WIPF2: variants seen among roughly 807,000 people sequenced by gnomAD.
The protein encoded by WIPF2 is WAS/WASL-interacting protein family member 2.
A neutral mutation model predicts 38.8 loss-of-function variants in WIPF2; 23 were observed. That is an observed-to-expected ratio of 0.59 (90% CI 0.43 to 0.84). The LOEUF (loss-of-function observed/expected upper bound fraction) is 0.84. WIPF2 is among the 40% of genes least tolerant of loss of function. The probability of loss-of-function intolerance (pLI) is 0.00; values close to 1 mark genes in which losing one functional copy is unlikely to be tolerated. For synonymous variants in WIPF2, 210 were observed against 223.2 expected (o/e 0.94, Z 0.53); for missense variants, 574 against 580.5 (o/e 0.99, Z 0.11).
rs2031866282 is a variant in WIPF2, at chr17:40,260,600, C to T, written c.129C>T (p.Asp43=). The T allele has an allele frequency of 6.2e-7, 1 of 1,613,914 alleles. No individual in the cohort carries two copies. Among genetic ancestry groups the T allele is most frequent in the Non-Finnish European group, 8.5e-7 (1 of 1,180,010 alleles). ...GGGGTCGAGGCGCCCTCTTACAGGACATTTGCAAAGGGACCAAGCTGAAGA... is the reference window on the plus strand; with the variant it reads ...GGGGTCGAGGCGCCCTCTTACAGGATATTTGCAAAGGGACCAAGCTGAAGA... ...EQRGRGALLQ[D]ICKGTKLKKV... is the part of the protein sequence containing the mutation. Residue 43 remains aspartate, a synonymous_variant, in exon 3 of 8, where the codon GAC becomes GAT. Transcript: ENST00000323571.
chr17:40,274,570 A>G (rs1598501891), intron 6 of WIPF2, among the ~76,000 whole-genome samples: 2 of 146,878 alleles, frequency 1.4e-5, no homozygotes, highest in South Asian at 4.6e-4. Flanking sequence ...AAAAAAAAAA[A>G]AAAAAAAAAA....
chr17:40,225,331 TAA>T (rs367969388), intron 1 of WIPF2, among the ~76,000 whole-genome samples: 1 of 147,496 alleles, frequency 6.8e-6, no homozygotes. Flanking sequence ...AGAGGGCTAC[TAA>T]AAAAAAAATG....
At chr17:40,257,092 C>T (rs1336215978) in intron 2 of WIPF2, among the ~76,000 whole-genome samples, 1 of 152,058 alleles carries the variant, frequency 6.6e-6, no homozygotes, top group Non-Finnish European at 1.5e-5. Context: ...GATTCTTCTG[C>T]CTCAGCCTCC....
chr17:40,247,769 C>G (rs568279889), intron 1 of WIPF2, among the ~76,000 whole-genome samples: 3 of 152,132 alleles, frequency 2.0e-5, no homozygotes, highest in South Asian at 2.1e-4. Context: ...CAGTCCACCC[C>G]CCTTGGCCTC....
At chr17:40,251,023 C>T (rs11868036) in intron 1 of WIPF2, among the ~76,000 whole-genome samples, 1 of 149,306 alleles carries the variant, frequency 6.7e-6, no homozygotes, top group African/African-American at 2.5e-5. Context: ...ATGCTATTCT[C>T]CTGCCTCAGC....
chr17:40,282,372 C>G lies in WIPF2; in HGVS notation c.*4147C>G, dbSNP rs556441258. 8 of 152,346 alleles carry G rather than the reference C, an allele frequency of 5.3e-5. No homozygotes were observed. In the East Asian group the frequency reaches 1.5e-3, roughly 29 times the overall value. 9.4% of individuals were successfully genotyped at this position (152,346 alleles called of 1,614,324 possible). A position where few individuals can be genotyped will look rare whatever the true frequency, so the allele number is the denominator to read the frequency against. On this transcript the variant is annotated 3_prime_UTR_variant, in exon 8 of 8. Transcript: ENST00000323571. ...GGGGCCTAGCCTTCTTTTCACATGT[C>G]TAATCTTTTCCTTTCTCATGGTGCC...
chr17:40,264,931 C>T lies in WIPF2; in HGVS notation c.755C>T (p.Pro252Leu), dbSNP rs1598494114. The T allele has an allele frequency of 6.2e-7, 1 of 1,614,124 alleles. No homozygotes were observed. The highest frequency in any genetic ancestry group is 1.3e-5 in the African/African-American group (1 of 74,948). Reference sequence around the variant, plus strand: ...AGTGGCCAGTCTCTGGCTCCTCCTCCTCCGCCTTACCGCCAGCCTCCTGGG... The same window carrying T: ...AGTGGCCAGTCTCTGGCTCCTCCTCTTCCGCCTTACCGCCAGCCTCCTGGG... ...GPSGQSLAPP[P>L]PPYRQPPGVP... The change falls in exon 5 of 8, where the codon CCT becomes CTT. Residue 252 changes from proline (P) to leucine (L), a missense_variant. Coordinates refer to ENST00000323571, the MANE Select transcript of WIPF2 (RefSeq NM_133264.5).
rs1400589610 is a variant in WIPF2, at chr17:40,283,971, C to T, written c.*5746C>T. ...ATAATGGGTGTGTGTATGAATCACT[C>T]TCACATAATTTAGATATAAAAACCT... On this transcript the variant is annotated 3_prime_UTR_variant, in exon 8 of 8. Coordinates refer to ENST00000323571, the MANE Select transcript of WIPF2 (RefSeq NM_133264.5). 1 of 152,008 alleles carries T rather than the reference C, an allele frequency of 6.6e-6. No homozygotes were observed. Among genetic ancestry groups the T allele is most frequent in the Non-Finnish European group, 1.5e-5 (1 of 68,014 alleles). 9.4% of individuals were successfully genotyped at this position (152,008 alleles called of 1,614,324 possible). A position where few individuals can be genotyped will look rare whatever the true frequency, so the allele number is the denominator to read the frequency against.
At chr17:40,270,763 T>G (rs1016082161) in intron 5 of WIPF2, among the ~76,000 whole-genome samples, 1 of 152,302 alleles carries the variant, frequency 6.6e-6, no homozygotes, top group Admixed American at 6.5e-5. Flanking sequence ...TTCTCTTTAA[T>G]TATTGCATCT....
chr17:40,226,108 C>T (rs187578720), intron 1 of WIPF2, among the ~76,000 whole-genome samples: 3 of 149,852 alleles, frequency 2.0e-5, no homozygotes, highest in Non-Finnish European at 2.9e-5. Context: ...AATGCTGAAT[C>T]GAATAATCTT....
intron 1 of WIPF2, chr17:40,220,304 T>C (rs1312264725): frequency 6.6e-6 from 1 of 151,876 alleles, no homozygotes; most frequent in Non-Finnish European, 1.5e-5. Context: ...GTGTTCAGCA[T>C]GGCAGTGTGT....
chr17:40,226,215 T>C (rs1260176682), intron 1 of WIPF2, among the ~76,000 whole-genome samples: 3 of 150,394 alleles, frequency 2.0e-5, no homozygotes, highest in Non-Finnish European at 3.0e-5. Flanking sequence ...AAAATTTTTT[T>C]TTTTTTGAGA....
At chr17:40,245,382 G>T (rs1040697533) in intron 1 of WIPF2, among the ~76,000 whole-genome samples, 1 of 149,956 alleles carries the variant, frequency 6.7e-6, no homozygotes, top group Admixed American at 6.7e-5. Context: ...CCGTTCTGTC[G>T]CCCAGGCTGG....
At chr17:40,258,040 G>C (rs943876714) in intron 2 of WIPF2, among the ~76,000 whole-genome samples, 1 of 152,152 alleles carries the variant, frequency 6.6e-6, no homozygotes, top group Non-Finnish European at 1.5e-5. Flanking sequence ...TTTGTTTTAG[G>C]AGTATGTATG....
intron 1 of WIPF2, among the ~76,000 whole-genome samples, chr17:40,240,184 C>T (rs2031138205): frequency 6.6e-6 from 1 of 152,034 alleles, no homozygotes; most frequent in African/African-American, 2.4e-5. Context: ...GCCTCAGCCT[C>T]CCAAGTCGCT....
chr17:40,239,880 A>G (rs910135616), intron 1 of WIPF2, among the ~76,000 whole-genome samples: 1 of 151,172 alleles, frequency 6.6e-6, no homozygotes, highest in Non-Finnish European at 1.5e-5. Flanking sequence ...TATTTTTAAT[A>G]GAGGTGGGGT....
intron 3 of WIPF2, 140 bp downstream of exon 3, chr17:40,260,807 C>T (rs1359000017): frequency 2.6e-6 from 3 of 1,140,988 alleles, no homozygotes; most frequent in African/African-American, 1.5e-5. Flanking sequence ...CTTATTCATT[C>T]TTCTGAACCT....
intron 1 of WIPF2, among the ~76,000 whole-genome samples, chr17:40,248,347 T>C (rs2031443209): frequency 1.3e-5 from 2 of 151,802 alleles, no homozygotes; most frequent in African/African-American, 4.8e-5. Flanking sequence ...TTTATAATTT[T>C]AGTAGAGATG....
intron 4 of WIPF2, among the ~76,000 whole-genome samples, chr17:40,263,796 G>T (rs1232643923): frequency 6.6e-6 from 1 of 151,692 alleles, no homozygotes; most frequent in East Asian, 2.0e-4. Flanking sequence ...GTCCACCTTG[G>T]CCTCCCAAAG....
Sources: allele counts gnomAD v4.1 joint callset (sites outside exome capture counted in the v4.1 genomes callset), GRCh38; gene constraint gnomAD v4.1.1; transcripts MANE v1.5; gene names NCBI Gene and HGNC (gene_info 2026-07-23, HGNC 2026-07-21).